MORC4: variants seen among roughly 807,000 people sequenced by gnomAD.
The protein encoded by MORC4 is MORC family CW-type zinc finger protein 4.
Under a neutral mutation model 65.5 loss-of-function variants are expected in MORC4, and 22 were observed. The ratio of observed to expected loss-of-function variants is 0.34; its 90% CI spans 0.24 to 0.48. MORC4 has a LOEUF of 0.48. Ranked by LOEUF, MORC4 falls within the 20% of genes least tolerant of loss-of-function variation. The probability of loss-of-function intolerance (pLI) is 0.99; values close to 1 mark genes in which losing one functional copy is unlikely to be tolerated. For missense variants in MORC4, 624 were observed against 703.0 expected, an observed-to-expected ratio of 0.89 and a Z score of 1.27; for synonymous variants, 267 against 255.8, an observed-to-expected ratio of 1.04 and a Z score of -0.42.
chrX:106,942,479 G>C (rs370194571), intron 15 of MORC4, 36 bp downstream of exon 15: 1 of 1,128,140 alleles, frequency 8.9e-7, no homozygotes, highest in African/African-American at 1.8e-5. Context: ...TGGTTACTAT[G>C]GTCTCTTATT....
At chrX:106,962,965 G>A (rs746025702) in intron 9 of MORC4, among the ~76,000 whole-genome samples, 1 of 111,061 alleles carries the variant, frequency 9.0e-6, no homozygotes, top group Non-Finnish European at 1.9e-5. Flanking sequence ...TTTTTGCAGA[G>A]CTCTTCTCTT....
intron 9 of MORC4, among the ~76,000 whole-genome samples, chrX:106,972,505 T>C (rs1351632394): frequency 3.6e-5 from 4 of 111,529 alleles, no homozygotes; most frequent in Non-Finnish European, 5.7e-5. Context: ...CAGATCTCCA[T>C]AGCCATCTCA....
At chrX:106,955,381 C>T (rs888568782) in intron 13 of MORC4, among the ~76,000 whole-genome samples, 4 of 110,230 alleles carry the variant, frequency 3.6e-5, no homozygotes, top group African/African-American at 1.3e-4. Flanking sequence ...CTAATTCTCT[C>T]TTGTGACCCA....
At chrX:106,975,153 T>C (rs1934597686) in intron 9 of MORC4, among the ~76,000 whole-genome samples, 1 of 111,979 alleles carries the variant, frequency 8.9e-6, no homozygotes, top group Admixed American at 9.5e-5. Context: ...GTGGCAAAGA[T>C]GATATAGAAA....
chrX:106,966,059 G>A (rs1934365848), intron 9 of MORC4, among the ~76,000 whole-genome samples: 1 of 111,890 alleles, frequency 8.9e-6, no homozygotes, highest in Non-Finnish European at 1.9e-5. Context: ...TGCTGCTTAT[G>A]TAAAATGCAA....
chrX:106,960,552 GTAA>G (rs1380332935), intron 10 of MORC4, among the ~76,000 whole-genome samples: 2 of 111,873 alleles, frequency 1.8e-5, no homozygotes, highest in Non-Finnish European at 3.8e-5. Context: ...CTGTAAAGAA[GTAA>G]TAATAATATC....
intron 6 of MORC4, 36 bp downstream of exon 6, chrX:106,981,309 C>G: frequency 8.7e-7 from 1 of 1,153,212 alleles, no homozygotes. Flanking sequence ...TACAGGAAAT[C>G]TTACCTCTCA....
At chrX:106,951,746 C>A (rs747864265) in intron 14 of MORC4, among the ~76,000 whole-genome samples, 1 of 110,622 alleles carries the variant, frequency 9.0e-6, no homozygotes, top group South Asian at 3.8e-4. Context: ...ACCTGTAATC[C>A]CAGCACTTTG....
chrX:106,990,870 C>T (rs752944152), intron 3 of MORC4, among the ~76,000 whole-genome samples: 2 of 110,261 alleles, frequency 1.8e-5, no homozygotes, highest in Admixed American at 1.9e-4. Context: ...GAAACTCCAT[C>T]TCAAAAAAAT....
intron 9 of MORC4, among the ~76,000 whole-genome samples, chrX:106,964,511 G>A (rs753599371): frequency 9.0e-6 from 1 of 111,378 alleles, no homozygotes; most frequent in South Asian, 3.8e-4. Flanking sequence ...TGAAAGACAC[G>A]AATATAAACA....
chrX:106,977,079 T>C (rs1320543491), intron 8 of MORC4, among the ~76,000 whole-genome samples: 1 of 111,741 alleles, frequency 8.9e-6, no homozygotes, highest in Non-Finnish European at 1.9e-5. Context: ...CTGAAACAAA[T>C]ATTCATCTGA....
chrX:106,999,109 A>C (rs2044212020), intron 2 of MORC4, among the ~76,000 whole-genome samples: 2 of 111,873 alleles, frequency 1.8e-5, no homozygotes. Context: ...TAAGTCCTCA[A>C]TATTCATTCC....
At chrX:106,996,182 CTTTT>C (rs565884580) in intron 2 of MORC4, among the ~76,000 whole-genome samples, 22 of 85,239 alleles carry the variant, frequency 2.6e-4, no homozygotes, top group Admixed American at 2.1e-3. Context: ...TTACTAGGTA[CTTTT>C]TTTTTTTTTT....
intron 3 of MORC4, among the ~76,000 whole-genome samples, chrX:106,988,260 C>A (rs1177373085): frequency 9.0e-6 from 1 of 111,631 alleles, no homozygotes; most frequent in Non-Finnish European, 1.9e-5. Context: ...ATTAGGTGAT[C>A]AAGGGAAAGT....
At chrX:106,971,916 C>T (rs1301958033) in intron 9 of MORC4, among the ~76,000 whole-genome samples, 1 of 111,945 alleles carries the variant, frequency 8.9e-6, no homozygotes, top group Non-Finnish European at 1.9e-5. Flanking sequence ...GTGGCGATTC[C>T]TCAAGAATCT....
chrX:106,996,464 A>C (rs1935083950), intron 2 of MORC4, among the ~76,000 whole-genome samples: 1 of 110,954 alleles, frequency 9.0e-6, no homozygotes, highest in Non-Finnish European at 1.9e-5. Flanking sequence ...AATAATAATA[A>C]GGCTGGCCTC....
chrX:106,953,031 CTCTT>C (rs1934014920), intron 14 of MORC4, among the ~76,000 whole-genome samples: 1 of 111,774 alleles, frequency 8.9e-6, no homozygotes, highest in Non-Finnish European at 1.9e-5. Flanking sequence ...TCTTATGTTT[CTCTT>C]TCTCTTGAAA....
At chrX:106,974,492 T>C (rs28665434) in intron 9 of MORC4, among the ~76,000 whole-genome samples, 12,905 of 111,563 alleles carry the variant, frequency 0.12, 1,875 homozygotes, top group African/African-American at 0.4. Flanking sequence ...ATGTGAGACA[T>C]ATCTCAAGTC....
At chrX:106,985,951 T>C (rs922146284) in intron 4 of MORC4, 32 bp downstream of exon 4, 2 of 1,136,108 alleles carry the variant, frequency 1.8e-6, no homozygotes, top group East Asian at 3.0e-5. Context: ...GACTAATTTT[T>C]AACCAACATT....
Sources: allele counts gnomAD v4.1 joint callset (sites outside exome capture counted in the v4.1 genomes callset), GRCh38; gene constraint gnomAD v4.1.1; transcripts MANE v1.5; gene names NCBI Gene and HGNC (gene_info 2026-07-23, HGNC 2026-07-21).